SYTL5: variants seen among roughly 807,000 people sequenced by gnomAD.
The protein encoded by SYTL5 is synaptotagmin like 5.
SYTL5 carries 34 observed loss-of-function variants against 55.9 expected under a neutral mutation model. The observed-to-expected ratio is 0.61, with a 90% confidence interval of 0.46 to 0.81. The LOEUF is 0.81. Ranked by LOEUF, SYTL5 falls within the 30% of genes least tolerant of loss-of-function variation. The probability of loss-of-function intolerance (pLI) is 0.00; values close to 1 mark genes in which losing one functional copy is unlikely to be tolerated. For synonymous variants in SYTL5, 221 were observed against 188.7 expected, an observed-to-expected ratio of 1.17 and a Z score of -1.40; for missense variants, 637 against 546.7, an observed-to-expected ratio of 1.17 and a Z score of -1.65.
chrX:37,997,680 C>T, the SYTL5 span, among the ~76,000 whole-genome samples: 1 of 112,464 alleles, frequency 8.9e-6, no homozygotes, highest in East Asian at 2.8e-4. Context: ...CAGATATCCC[C>T]TGGCACCTAC....
At chrX:38,114,814 T>C (rs1602411240) in intron 13 of SYTL5, among the ~76,000 whole-genome samples, 1 of 111,428 alleles carries the variant, frequency 9.0e-6, no homozygotes, top group Admixed American at 9.5e-5. Flanking sequence ...TTTATTTTGT[T>C]AGGCCAGCAT....
At chrX:38,005,391 A>G (rs1278710472), upstream of SYTL5, among the ~76,000 whole-genome samples, 1 of 112,059 alleles carries the variant, frequency 8.9e-6, no homozygotes, top group East Asian at 2.8e-4. Flanking sequence ...AAAAATGTCC[A>G]GTTGTTAAAC....
chrX:37,900,422 A>G, the SYTL5 span, among the ~76,000 whole-genome samples: 1 of 112,094 alleles, frequency 8.9e-6, no homozygotes, highest in East Asian at 2.8e-4. Context: ...ATTAAGCAGG[A>G]ATAAGGGATA....
the SYTL5 span, among the ~76,000 whole-genome samples, chrX:37,933,411 C>A: frequency 9.0e-6 from 1 of 111,427 alleles, no homozygotes; most frequent in South Asian, 3.8e-4. Context: ...CAGTGAAAAC[C>A]AGCATCCTGA....
intron 6 of SYTL5, among the ~76,000 whole-genome samples, chrX:38,078,042 T>A (rs1936433376): frequency 9.0e-6 from 1 of 110,974 alleles, no homozygotes. Flanking sequence ...CAAAAAAAAA[T>A]GAATAAATAA....
At chrX:38,122,345 T>G (rs763019945) in intron 15 of SYTL5, 130 bp downstream of exon 15, 1 of 443,558 alleles carries the variant, frequency 2.3e-6, no homozygotes, top group Non-Finnish European at 3.6e-6. Flanking sequence ...GAACTACCCT[T>G]ACATGCTGGC....
At chrX:37,988,166 C>A in the SYTL5 span, among the ~76,000 whole-genome samples, 10 of 111,646 alleles carry the variant, frequency 9.0e-5, no homozygotes, top group Non-Finnish European at 1.9e-4. Context: ...GAATTTGACA[C>A]AGAAGAAGGA....
intron 16 of SYTL5, 126 bp downstream of exon 16, chrX:38,125,632 A>G: frequency 2.0e-6 from 1 of 495,755 alleles, no homozygotes; most frequent in South Asian, 3.2e-5. Flanking sequence ...ATTACCACAA[A>G]TACTTCATTC....
In SYTL5 at chrX:38,118,952, CAT is replaced by C. The variant is rs36070047; in HGVS notation, c.1597-1387_1597-1386del. Among the ~76,000 whole-genome samples the C allele has an allele frequency of 3.9e-3, 352 of 89,526 alleles. 1 individual carries two copies. The highest frequency in any genetic ancestry group is 0.017 in the East Asian group (50 of 3,001). 77.7% of individuals were successfully genotyped at this position (89,526 alleles called of 115,157 possible). The stretch of plus-strand genomic sequence containing the variant: ...ATATATATATATATGTACGCATATA[CAT>C]ATATATATATATATATATGTACGCA... On this transcript the variant is annotated intron_variant, in intron 13 of 16. Coordinates refer to ENST00000297875, the MANE Select transcript of SYTL5 (RefSeq NM_138780.3).
intron 9 of SYTL5, among the ~76,000 whole-genome samples, chrX:38,097,127 C>T (rs976045295): frequency 1.8e-5 from 2 of 110,855 alleles, no homozygotes; most frequent in Non-Finnish European, 1.9e-5. Context: ...AACTAGTTTA[C>T]GAATATACAT....
the SYTL5 span, among the ~76,000 whole-genome samples, chrX:37,992,339 T>C: frequency 5.3e-5 from 6 of 113,003 alleles, no homozygotes; most frequent in East Asian, 1.7e-3. Context: ...CTTGGGTCCT[T>C]GGGAGCCACA....
chrX:38,107,166 A>G (rs1243584846), intron 11 of SYTL5, among the ~76,000 whole-genome samples: 2 of 111,958 alleles, frequency 1.8e-5, no homozygotes, highest in East Asian at 5.6e-4. Flanking sequence ...GGCTCTCAGG[A>G]TTCTAGAGAT....
At position 38,020,761 on chromosome X, in the gene SYTL5, G is replaced by A. The variant is rs979041802; in HGVS notation, c.-356-12773G>A. The stretch of plus-strand genomic sequence containing the variant: ...TTCATTGAGAATAGAAACGATGGAG[G>A]GGTCTAAATTTTCTGAGCATCTGTT... On this transcript the variant is annotated intron_variant, in intron 1 of 16. Transcript: ENST00000297875. Among the ~76,000 whole-genome samples, 11 of 109,933 alleles carry A rather than the reference G, an allele frequency of 1.0e-4. No individual in the cohort carries two copies. The East Asian group carries it at 3.1e-3, about 31-fold the overall frequency.
At position 38,120,380 on chromosome X, in the gene SYTL5, G is replaced by A. The variant is rs371238169; in HGVS notation, c.1619G>A (p.Gly540Asp). The A allele has an allele frequency of 2.9e-5, 35 of 1,208,233 alleles. No homozygotes were observed. Among genetic ancestry groups the A allele is most frequent in the Non-Finnish European group, 3.8e-5 (34 of 893,954 alleles). ...CAGGTGGAGTTTGCTCCTGATATTGGCCTTCAATACAAAGGAGAGCTGACA... is the reference window on the plus strand; with the variant it reads ...CAGGTGGAGTTTGCTCCTGATATTGACCTTCAATACAAAGGAGAGCTGACA... ...QPKVEFAPDI[G>D]LQYKGELTVV... The change falls in exon 14 of 17, where the codon GGC (glycine) becomes GAC (aspartate). Residue 540 changes from glycine to aspartate, a missense_variant. Coordinates refer to ENST00000297875, the MANE Select transcript of SYTL5 (RefSeq NM_138780.3).
the SYTL5 span, among the ~76,000 whole-genome samples, chrX:37,942,499 C>G: frequency 9.0e-6 from 1 of 111,375 alleles, no homozygotes; most frequent in African/African-American, 3.3e-5. Flanking sequence ...CCCTCCACCC[C>G]CTTATCTCTA....
Position 38,061,832 on chromosome X carries a change from A to G in SYTL5, c.329+7410A>G, listed in dbSNP as rs777033456. Among the ~76,000 whole-genome samples, 142 of 112,193 alleles carry G rather than the reference A, an allele frequency of 1.3e-3. 1 individual carries two copies. The highest frequency in any genetic ancestry group is 4.4e-3 in the African/African-American group (137 of 30,923). The stretch of plus-strand genomic sequence containing the variant: ...AATACCTACAAAATTCCACATTGTT[A>G]TGTTAGCTGAGGCAGTTGCAGTCCA... On this transcript the variant is annotated intron_variant, in intron 3 of 16. Transcript: ENST00000297875.
chrX:38,001,252 A>C, the SYTL5 span, among the ~76,000 whole-genome samples: 1 of 111,782 alleles, frequency 8.9e-6, no homozygotes, highest in African/African-American at 3.2e-5. Flanking sequence ...CATGACCTCA[A>C]GCATTTATCC....
the SYTL5 span, among the ~76,000 whole-genome samples, chrX:37,920,365 G>T: frequency 2.7e-5 from 3 of 110,227 alleles, no homozygotes; most frequent in Non-Finnish European, 5.7e-5. Flanking sequence ...CTCCACAGAT[G>T]GAGTCAAATC....
chrX:38,066,818 A>G (rs1936111873), intron 3 of SYTL5, among the ~76,000 whole-genome samples: 1 of 112,171 alleles, frequency 8.9e-6, no homozygotes, highest in African/African-American at 3.2e-5. Flanking sequence ...TGGGATTTCA[A>G]TACAAATCCT....
Sources: allele counts gnomAD v4.1 joint callset (sites outside exome capture counted in the v4.1 genomes callset), GRCh38; gene constraint gnomAD v4.1.1; transcripts MANE v1.5; gene names NCBI Gene and HGNC (gene_info 2026-07-23, HGNC 2026-07-21).